The following NSFL1C variants were observed in gnomAD, a reference collection of about 807,000 sequenced individuals.
NSFL1C encodes NSFL1 cofactor p47.
A neutral mutation model predicts 43.1 loss-of-function variants in NSFL1C; 14 were observed. That is an observed-to-expected ratio of 0.32 (90% CI 0.21 to 0.51). The LOEUF (loss-of-function observed/expected upper bound fraction) is 0.51, where lower values mean the gene tolerates loss of function less well. NSFL1C is among the 20% of genes least tolerant of loss of function. NSFL1C has a pLI of 0.98. For synonymous variants in NSFL1C, 171 were observed against 183.5 expected (o/e 0.93, Z 0.55); for missense variants, 406 against 472.5 (o/e 0.86, Z 1.30).
intron 3 of NSFL1C, chr20:1,457,222 G>A (rs1187659755): frequency 6.6e-6 from 1 of 152,116 alleles, no homozygotes; most frequent in East Asian, 1.9e-4. Flanking sequence ...AAGCTGGAAA[G>A]AAATATACCA....
chr20:1,465,026 G>T (rs2090481998), intron 1 of NSFL1C, among the ~76,000 whole-genome samples: 1 of 152,106 alleles, frequency 6.6e-6, no homozygotes, highest in South Asian at 2.1e-4. Flanking sequence ...CTGTGAAATG[G>T]GGGTACCTGT....
intron 7 of NSFL1C, 43 bp downstream of exon 7, chr20:1,452,450 G>A: frequency 6.2e-7 from 1 of 1,605,512 alleles, no homozygotes; most frequent in Non-Finnish European, 8.5e-7. Flanking sequence ...GGCTTGGCAG[G>A]TGTGATTGAC....
In NSFL1C at chr20:1,452,597, G is replaced by A. The variant is rs781080115; in HGVS notation, c.681C>T (p.His227=). The A allele has an allele frequency of 2.5e-5, 41 of 1,614,052 alleles. No individual in the cohort carries two copies. Among genetic ancestry groups the A allele is most frequent in the Admixed American group, 5.0e-5 (3 of 60,004 alleles). The stretch of plus-strand genomic sequence containing the variant: ...CCATATCCAAGTTCACCTGTCCACC[G>A]TGAGCTAGCCTCCGAAGCTCTGCTG... The part of the protein sequence containing the change: ...EVPAELRRLA[H]GGQVNLDMED... The change falls in exon 7 of 9, where the codon CAC becomes CAT. Residue 227 remains histidine, a synonymous_variant. Transcript: ENST00000216879.
chr20:1,466,251 A>G (rs1159996985), intron 1 of NSFL1C, among the ~76,000 whole-genome samples: 1 of 152,108 alleles, frequency 6.6e-6, no homozygotes, highest in Non-Finnish European at 1.5e-5. Context: ...ACCTTGCGCC[A>G]CCACCCCAGA....
chr20:1,443,945 T>C (rs759669092), intron 8 of NSFL1C, 34 bp from the exon 9 acceptor site: 3 of 1,589,616 alleles, frequency 1.9e-6, no homozygotes, highest in Non-Finnish European at 2.6e-6. Flanking sequence ...AGCAGTGCCA[T>C]CCTCTGCTGT....
rs2089962651 is a variant in NSFL1C at position 1,442,180 on chromosome 20, G to T, written c.*1569C>A. On this transcript the variant is annotated 3_prime_UTR_variant, in exon 9 of 9. Transcript: ENST00000216879. ...ACAAAACTCCATTGTCCTCATTCTG[G>T]TTTTTAATGGTCAAGGTGACAACAG... 1 of 152,228 alleles carries T rather than the reference G, an allele frequency of 6.6e-6. No homozygotes were observed. The highest frequency in any genetic ancestry group is 1.5e-5 in the Non-Finnish European group (1 of 68,034). 9.4% of individuals were successfully genotyped at this position (152,228 alleles called of 1,614,324 possible).
chr20:1,463,672 A>G (rs2122963310), intron 2 of NSFL1C, among the ~76,000 whole-genome samples: 1 of 152,304 alleles, frequency 6.6e-6, no homozygotes, highest in East Asian at 1.9e-4. Context: ...GAAAGCAGAG[A>G]GGGGAGACAC....
intron 3 of NSFL1C, chr20:1,456,713 G>A (rs1055032726): frequency 2.0e-5 from 3 of 152,134 alleles, no homozygotes; most frequent in Admixed American, 6.5e-5. Context: ...CTGTGATCAA[G>A]AGCCTTAAAA....
chr20:1,463,093 T>G (rs570178578), intron 2 of NSFL1C, among the ~76,000 whole-genome samples: 1 of 152,272 alleles, frequency 6.6e-6, no homozygotes, highest in African/African-American at 2.4e-5. Context: ...GAGCTGGGAT[T>G]TGAACCAACG....
intron 2 of NSFL1C, among the ~76,000 whole-genome samples, chr20:1,462,574 T>C (rs980514344): frequency 6.6e-6 from 1 of 151,300 alleles, no homozygotes; most frequent in African/African-American, 2.4e-5. Flanking sequence ...CAGGCTGGAG[T>C]GCAGTGGCGC....
intron 1 of NSFL1C, among the ~76,000 whole-genome samples, chr20:1,465,665 C>T (rs1156794702): frequency 2.0e-5 from 3 of 152,184 alleles, no homozygotes; most frequent in Admixed American, 6.5e-5. Flanking sequence ...ATTCTTTGCC[C>T]TCTGTGCTTC....
At chr20:1,466,223 C>T (rs1005421156) in intron 1 of NSFL1C, among the ~76,000 whole-genome samples, 1 of 152,204 alleles carries the variant, frequency 6.6e-6, no homozygotes, top group African/African-American at 2.4e-5. Flanking sequence ...GTTAACTACG[C>T]AAGGTGAAGA....
Position 1,442,297 on chromosome 20 carries a change from T to C in NSFL1C, c.*1452A>G, listed in dbSNP as rs2089964990. 1 of 152,230 alleles carries C rather than the reference T, an allele frequency of 6.6e-6. No homozygotes were observed. Among genetic ancestry groups the C allele is most frequent in the Admixed American group, 6.5e-5 (1 of 15,286 alleles). 9.4% of individuals were successfully genotyped at this position (152,230 alleles called of 1,614,324 possible). On this transcript the variant is annotated 3_prime_UTR_variant, in exon 9 of 9. Coordinates refer to ENST00000216879, the MANE Select transcript of NSFL1C (RefSeq NM_016143.5). Reference sequence around the variant, plus strand: ...AGATGCCATTGCCCCAGCAGGCCACTGCCGGTGTGGGAACTTTGGGATCAA... The same window carrying C: ...AGATGCCATTGCCCCAGCAGGCCACCGCCGGTGTGGGAACTTTGGGATCAA...
intron 2 of NSFL1C, 96 bp from the exon 3 acceptor site, chr20:1,458,370 A>G (rs1042809553): frequency 1.3e-5 from 13 of 999,240 alleles, no homozygotes; most frequent in Non-Finnish European, 2.1e-5. Flanking sequence ...CTGAGGTTAC[A>G]TTTTTGGTAG....
chr20:1,466,612 G>A (rs1204564748), intron 1 of NSFL1C, 108 bp downstream of exon 1: 2 of 1,074,342 alleles, frequency 1.9e-6, no homozygotes, highest in Non-Finnish European at 1.3e-6. Flanking sequence ...GTCGGGCCGC[G>A]GTAGAGCGGG....
chr20:1,455,238 CT>C, intron 3 of NSFL1C, 106 bp from the exon 4 acceptor site: 1 of 1,295,540 alleles, frequency 7.7e-7, no homozygotes, highest in South Asian at 1.2e-5. Context: ...CAATGCTTGT[CT>C]TTAAAGAATT....
chr20:1,464,818 T>C (rs1404643944), intron 1 of NSFL1C, among the ~76,000 whole-genome samples: 1 of 152,206 alleles, frequency 6.6e-6, no homozygotes, highest in Non-Finnish European at 1.5e-5. Context: ...CATCTCATTT[T>C]ATAGTTGATA....
intron 3 of NSFL1C, chr20:1,456,397 A>C (rs2090300841): frequency 6.6e-6 from 1 of 152,356 alleles, no homozygotes; most frequent in African/African-American, 2.4e-5. Context: ...AGAAGTATCT[A>C]AAAGGAAGGT....
intron 4 of NSFL1C, among the ~76,000 whole-genome samples, chr20:1,454,731 A>T (rs548469559): frequency 2.6e-5 from 4 of 152,382 alleles, no homozygotes; most frequent in African/African-American, 9.6e-5. Flanking sequence ...TTGATAGGCC[A>T]AACAAAACAT....
Sources: gnomAD v4.1 joint callset for allele counts (sites outside exome capture counted in the v4.1 genomes callset) on GRCh38, gnomAD v4.1.1 for gene constraint, MANE v1.5 for transcripts, NCBI Gene and HGNC (gene_info 2026-07-23, HGNC 2026-07-21) for gene names.